Variants in MSI2 observed in about 807,000 individuals in gnomAD.
MSI2 encodes the protein musashi RNA binding protein 2, also known as RNA-binding protein Musashi homolog 2.
A neutral mutation model predicts 45.6 loss-of-function variants in MSI2; 17 were observed. The ratio of observed to expected loss-of-function variants is 0.37; its 90% CI spans 0.26 to 0.56. The LOEUF is 0.56. Ranked by LOEUF, MSI2 falls within the 20% of genes least tolerant of loss-of-function variation. The pLI is 0.77. For synonymous variants in MSI2, 156 were observed against 158.2 expected, an observed-to-expected ratio of 0.99 and a Z score of 0.11; for missense variants, 293 against 444.2, an observed-to-expected ratio of 0.66 and a Z score of 3.06.
chr17:57,572,277 C>T (rs1327096322), intron 7 of MSI2, among the ~76,000 whole-genome samples: 1 of 152,214 alleles, frequency 6.6e-6, no homozygotes, highest in Non-Finnish European at 1.5e-5. Context: ...TTATTTTGAG[C>T]TTCACCCTGT....
In MSI2 at chr17:57,681,934, C is replaced by G. The variant is rs1913627849; in HGVS notation, c.*2417C>G. On this transcript the variant is annotated 3_prime_UTR_variant, in exon 14 of 14. Coordinates refer to ENST00000284073, the MANE Select transcript of MSI2 (RefSeq NM_138962.4). Reference sequence around the variant, plus strand: ...GATGTACTGTACTTCCCTTCCTTTTCTCTGCATCCCCCATCACCTCATAGA... The same window carrying G: ...GATGTACTGTACTTCCCTTCCTTTTGTCTGCATCCCCCATCACCTCATAGA... The G allele has an allele frequency of 4.8e-6, 1 of 210,196 alleles. No individual in the cohort carries two copies. 13.0% of individuals were successfully genotyped at this position (210,196 alleles called of 1,614,324 possible).
intron 6 of MSI2, chr17:57,448,421 A>G (rs12602850): frequency 0.43 from 66,001 of 152,198 alleles, 17,070 homozygotes; most frequent in South Asian, 0.69. Context: ...GAACAGGAAG[A>G]TGGTGTGTGG....
chr17:57,642,646 C>G lies in MSI2; in HGVS notation c.728-9453C>G, dbSNP rs115084731. On this transcript the variant is annotated intron_variant, in intron 10 of 13. Transcript: ENST00000284073. ...CAGTCCCATAAATAGAGCCCCTTTG[C>G]TGTCCACAGCTAGCAACTCTAAGCT... 2.0e-3 allele frequency among the ~76,000 whole-genome samples: 303 copies of G among 152,336 alleles called. 2 individuals carry two copies. The highest frequency in any genetic ancestry group is 6.6e-3 in the African/African-American group (276 of 41,580).
chr17:57,296,384 G>A (rs1352055965), intron 5 of MSI2, among the ~76,000 whole-genome samples: 2 of 152,156 alleles, frequency 1.3e-5, no homozygotes, highest in Admixed American at 1.3e-4. Flanking sequence ...CCAGTTAGTT[G>A]CTGTGGAGAG....
intron 5 of MSI2, among the ~76,000 whole-genome samples, chr17:57,396,947 A>C (rs1313646226): frequency 6.6e-6 from 1 of 152,164 alleles, no homozygotes; most frequent in African/African-American, 2.4e-5. Context: ...TAATGGTGGG[A>C]AGCACTCACA....
At chr17:57,489,814 G>A (rs1263309712) in intron 6 of MSI2, among the ~76,000 whole-genome samples, 1 of 152,226 alleles carries the variant, frequency 6.6e-6, no homozygotes, top group East Asian at 1.9e-4. Flanking sequence ...GACTTGGGGA[G>A]AAAGAAGAAA....
At chr17:57,375,011 T>C (rs976647487) in intron 5 of MSI2, among the ~76,000 whole-genome samples, 3 of 152,194 alleles carry the variant, frequency 2.0e-5, no homozygotes, top group African/African-American at 7.2e-5. Flanking sequence ...CATTATTTGC[T>C]CTTCCTGGTC....
downstream of MSI2, among the ~76,000 whole-genome samples, chr17:57,687,503 G>A (rs1037607293): frequency 1.6e-4 from 25 of 151,802 alleles, 1 homozygote. Flanking sequence ...AAAAATTCAG[G>A]GGAATCAGAA....
At chr17:57,528,439 G>A (rs2086750553) in intron 6 of MSI2, among the ~76,000 whole-genome samples, 1 of 152,196 alleles carries the variant, frequency 6.6e-6, no homozygotes, top group South Asian at 2.1e-4. Flanking sequence ...GAAGGGATTA[G>A]CAAGAGAGAC....
chr17:57,584,144 C>T (rs867858554), intron 7 of MSI2, among the ~76,000 whole-genome samples: 1 of 152,138 alleles, frequency 6.6e-6, no homozygotes, highest in Non-Finnish European at 1.5e-5. Flanking sequence ...CACCTCATTC[C>T]TCCCTGTCAC....
chr17:57,454,207 A>G (rs1156617862), intron 6 of MSI2, among the ~76,000 whole-genome samples: 1 of 152,206 alleles, frequency 6.6e-6, no homozygotes, highest in Non-Finnish European at 1.5e-5. Context: ...GTGATGATTA[A>G]TAGTGCCTTT....
chr17:57,591,365 A>G (rs1259348238), intron 7 of MSI2, among the ~76,000 whole-genome samples: 1 of 152,228 alleles, frequency 6.6e-6, no homozygotes, highest in Non-Finnish European at 1.5e-5. Context: ...AAAACAAGCC[A>G]GGCACAACAG....
chr17:57,260,821 G>T (rs1907238976), intron 4 of MSI2, among the ~76,000 whole-genome samples: 1 of 152,084 alleles, frequency 6.6e-6, no homozygotes, highest in African/African-American at 2.4e-5. Flanking sequence ...TTCTGGCTGG[G>T]ACCCTAGGTG....
downstream of MSI2, chr17:57,685,738 C>T (rs1163134487): frequency 6.6e-6 from 1 of 152,210 alleles, no homozygotes; most frequent in Non-Finnish European, 1.5e-5. Flanking sequence ...CACAGTGTCT[C>T]GTTACATTGT....
chr17:57,485,845 G>A (rs542747077), intron 6 of MSI2, among the ~76,000 whole-genome samples: 2 of 152,304 alleles, frequency 1.3e-5, no homozygotes, highest in East Asian at 1.9e-4. Context: ...TGCTCTGGCC[G>A]TGGAGGGGAG....
chr17:57,577,704 A>G (rs2088087268), intron 7 of MSI2, among the ~76,000 whole-genome samples: 1 of 152,222 alleles, frequency 6.6e-6, no homozygotes, highest in African/African-American at 2.4e-5. Flanking sequence ...CCAAAGGGAA[A>G]GTAGGTTCTT....
At chr17:57,268,667 C>T in intron 5 of MSI2, 1 of 152,198 alleles carries the variant, frequency 6.6e-6, no homozygotes, top group Non-Finnish European at 1.5e-5. Context: ...GAAACCCCGT[C>T]TCTACTAAAA....
intron 5 of MSI2, among the ~76,000 whole-genome samples, chr17:57,363,688 G>A (rs1231119056): frequency 3.3e-5 from 5 of 152,180 alleles, no homozygotes; most frequent in Non-Finnish European, 7.3e-5. Flanking sequence ...GTAGTGAGCC[G>A]AATTGGCACC....
chr17:57,510,300 G>A (rs911239461), intron 6 of MSI2, among the ~76,000 whole-genome samples: 1 of 151,942 alleles, frequency 6.6e-6, no homozygotes, highest in African/African-American at 2.4e-5. Flanking sequence ...CATCCCCAGG[G>A]AGCCCTCTCG....
Sources: gnomAD v4.1 joint callset for allele counts (sites outside exome capture counted in the v4.1 genomes callset) on GRCh38, gnomAD v4.1.1 for gene constraint, MANE v1.5 for transcripts, NCBI Gene and HGNC (gene_info 2026-07-23, HGNC 2026-07-21) for gene names.